Variants in NTM observed in about 807,000 individuals in gnomAD.
The protein encoded by NTM is IgLON family member 2.
NTM carries 13 observed loss-of-function variants against 42.1 expected under a neutral mutation model. The ratio of observed to expected loss-of-function variants is 0.31; its 90% confidence interval spans 0.20 to 0.49. The LOEUF is 0.49. NTM is among the 20% of genes least tolerant of loss of function. NTM has a pLI of 0.99. For synonymous variants in NTM, 187 were observed against 179.2 expected (o/e 1.04, Z -0.35); for missense variants, 373 against 452.8 (o/e 0.82, Z 1.60).
At chr11:132,277,625 G>T (rs1031703353) in intron 4 of NTM, among the ~76,000 whole-genome samples, 1 of 152,088 alleles carries the variant, frequency 6.6e-6, no homozygotes, top group African/African-American at 2.4e-5. Context: ...TTTTAATTTT[G>T]TTGGATGCCA....
chr11:131,865,243 C>G (rs909188767), intron 1 of NTM, among the ~76,000 whole-genome samples: 6 of 152,216 alleles, frequency 3.9e-5, no homozygotes, highest in Non-Finnish European at 1.5e-5. Context: ...AGCCAACACT[C>G]AAGCCCCTTC....
At chr11:131,777,162 C>A in intron 1 of NTM, 1 of 612,978 alleles carries the variant, frequency 1.6e-6, no homozygotes, top group Non-Finnish European at 2.0e-6. Context: ...CCACCAATGC[C>A]CACTACTGCC....
intron 1 of NTM, among the ~76,000 whole-genome samples, chr11:131,691,001 C>T (rs940589596): frequency 3.9e-5 from 6 of 152,128 alleles, no homozygotes; most frequent in Non-Finnish European, 7.4e-5. Context: ...GAGCAAGGGG[C>T]TTTGATCACT....
At chr11:131,516,185 A>G (rs1245970243) in intron 1 of NTM, among the ~76,000 whole-genome samples, 2 of 152,214 alleles carry the variant, frequency 1.3e-5, no homozygotes, top group Non-Finnish European at 2.9e-5. Flanking sequence ...GTGCTTTTAC[A>G]TATATTATCT....
chr11:132,071,290 G>A (rs538702398), intron 2 of NTM, among the ~76,000 whole-genome samples: 2 of 112,392 alleles, frequency 1.8e-5, no homozygotes, highest in Admixed American at 8.8e-5. Context: ...TAGTTAACAC[G>A]TCACACAGCC....
intron 1 of NTM, among the ~76,000 whole-genome samples, chr11:131,525,314 T>C (rs2136611505): frequency 6.6e-6 from 1 of 152,334 alleles, no homozygotes; most frequent in Non-Finnish European, 1.5e-5. Context: ...ATGCTTATAA[T>C]GCGCCGGAAA....
At chr11:131,579,226 T>C (rs1460505432) in intron 1 of NTM, among the ~76,000 whole-genome samples, 1 of 151,974 alleles carries the variant, frequency 6.6e-6, no homozygotes, top group African/African-American at 2.4e-5. Flanking sequence ...GCCTCACAGA[T>C]TGGAGAAGCA....
In NTM at chr11:131,423,226, G is replaced by A. The variant is rs537109334; in HGVS notation, c.82+52338G>A. Among the ~76,000 whole-genome samples, 281 of 152,298 alleles carry A rather than the reference G, an allele frequency of 1.8e-3. 7 individuals are homozygous for A. The highest frequency in any genetic ancestry group is 2.4e-3 in the Admixed American group (36 of 15,304). On this transcript the variant is annotated intron_variant, in intron 1 of 8. Coordinates refer to ENST00000683400, the MANE Select transcript of NTM (RefSeq NM_001352005.2). ...TTACTTAGAGTAACTCTAGGATGTAGGACCTATTGCACCACTTTATAGATG... is the reference window on the plus strand; with the variant it reads ...TTACTTAGAGTAACTCTAGGATGTAAGACCTATTGCACCACTTTATAGATG...
At chr11:131,638,708 A>T (rs1471880421) in intron 1 of NTM, among the ~76,000 whole-genome samples, 2 of 152,102 alleles carry the variant, frequency 1.3e-5, no homozygotes, top group Non-Finnish European at 2.9e-5. Context: ...TCTAAGGATA[A>T]CGATAGCATT....
intron 1 of NTM, among the ~76,000 whole-genome samples, chr11:131,619,449 A>C (rs1183430429): frequency 6.6e-6 from 1 of 152,216 alleles, no homozygotes; most frequent in Non-Finnish European, 1.5e-5. Flanking sequence ...ACAGAGGATG[A>C]GCAACTCTTT....
chr11:132,302,000 C>T (rs989500094), intron 4 of NTM, among the ~76,000 whole-genome samples: 2 of 152,106 alleles, frequency 1.3e-5, no homozygotes, highest in Non-Finnish European at 2.9e-5. Flanking sequence ...ATTTTTAATG[C>T]CCAATCTATG....
At chr11:131,475,742 G>A (rs768981485) in intron 1 of NTM, among the ~76,000 whole-genome samples, 1 of 152,026 alleles carries the variant, frequency 6.6e-6, no homozygotes, top group African/African-American at 2.4e-5. Context: ...TTGTTTAATG[G>A]GATTTTATGA....
intron 1 of NTM, among the ~76,000 whole-genome samples, chr11:131,406,164 G>A (rs1343453250): frequency 3.9e-5 from 6 of 152,154 alleles, no homozygotes; most frequent in African/African-American, 1.4e-4. Context: ...AAGACTTAAG[G>A]TGGTATTTGG....
intron 2 of NTM, among the ~76,000 whole-genome samples, chr11:132,077,683 A>G (rs2136238448): frequency 6.6e-6 from 1 of 152,388 alleles, no homozygotes; most frequent in South Asian, 2.1e-4. Flanking sequence ...TGTGTTTACC[A>G]GACAGTGGTC....
chr11:131,774,770 C>T (rs1188159677), intron 1 of NTM, among the ~76,000 whole-genome samples: 1 of 152,132 alleles, frequency 6.6e-6, no homozygotes, highest in Non-Finnish European at 1.5e-5. Flanking sequence ...ATAAGAGTAT[C>T]ATTAACACTC....
intron 1 of NTM, among the ~76,000 whole-genome samples, chr11:131,636,275 T>A (rs543697766): frequency 6.6e-6 from 1 of 152,116 alleles, no homozygotes; most frequent in South Asian, 2.1e-4. Flanking sequence ...ACGGCTACAT[T>A]TTTTCCGTCT....
intron 1 of NTM, among the ~76,000 whole-genome samples, chr11:131,575,618 T>A (rs1388563898): frequency 6.6e-6 from 1 of 152,218 alleles, no homozygotes. Flanking sequence ...TTTCTGCAAT[T>A]CCCAGCCTGA....
intron 4 of NTM, among the ~76,000 whole-genome samples, chr11:132,239,909 T>C (rs1039965411): frequency 3.3e-5 from 5 of 152,188 alleles, no homozygotes. Context: ...ATTTATCTGG[T>C]TTGGGAGCAT....
rs185879288 is a variant in NTM at position 132,249,498 on chromosome 11, G to T, written c.526+37351G>T. 5.3e-5 allele frequency among the ~76,000 whole-genome samples: 8 copies of T among 152,346 alleles called. No individual in the cohort carries two copies. The East Asian group carries it at 1.5e-3, about 29-fold the overall frequency. On this transcript the variant is annotated intron_variant, in intron 4 of 8. Coordinates refer to ENST00000683400, the MANE Select transcript of NTM (RefSeq NM_001352005.2). ...GGCTACGTGGGTTGTTTCCTTGTGTGATGCCCAGAAGGACTGGCGGCAGGA... is the reference window on the plus strand; with the variant it reads ...GGCTACGTGGGTTGTTTCCTTGTGTTATGCCCAGAAGGACTGGCGGCAGGA...
Sources: allele counts gnomAD v4.1 joint callset (sites outside exome capture counted in the v4.1 genomes callset), GRCh38; gene constraint gnomAD v4.1.1; transcripts MANE v1.5; gene names NCBI Gene and HGNC (gene_info 2026-07-23, HGNC 2026-07-21).